ATP9A: variants seen among roughly 807,000 people sequenced by gnomAD.
ATP9A encodes probable phospholipid-transporting ATPase IIA.
ATP9A carries 52 observed loss-of-function variants against 144.1 expected under a neutral mutation model. The observed-to-expected ratio is 0.36, with a 90% CI of 0.29 to 0.45. ATP9A has a LOEUF of 0.45. Among genes scored for constraint, ATP9A ranks in the 20% least tolerant of loss-of-function variants. The pLI is 1.00. For missense variants in ATP9A, 947 were observed against 1,392.7 expected (o/e 0.68, Z 5.09); for synonymous variants, 582 against 557.4 (o/e 1.04, Z -0.62).
At chr20:51,695,412 G>A (rs7270627) in intron 6 of ATP9A, among the ~76,000 whole-genome samples, 39,214 of 147,040 alleles carry the variant, frequency 0.27, 5,187 homozygotes, top group South Asian at 0.37. Context: ...GAGGTAAGCC[G>A]AGATCGTACC....
At chr20:51,616,530 G>A (rs1427799572) in intron 22 of ATP9A, among the ~76,000 whole-genome samples, 1 of 152,062 alleles carries the variant, frequency 6.6e-6, no homozygotes, top group Non-Finnish European at 1.5e-5. Context: ...TGTTTGCCAG[G>A]CTGGTCTCGA....
chr20:51,629,863 G>C (rs2077263592), intron 15 of ATP9A, among the ~76,000 whole-genome samples: 1 of 152,222 alleles, frequency 6.6e-6, no homozygotes, highest in South Asian at 2.1e-4. Context: ...CTGTAAAACA[G>C]GAATCAAGCA....
chr20:51,627,046 A>C (rs1054179079), intron 17 of ATP9A, among the ~76,000 whole-genome samples: 3 of 142,918 alleles, frequency 2.1e-5, no homozygotes. Context: ...GACAAGAGCG[A>C]AACTCTGTCT....
intron 10 of ATP9A, among the ~76,000 whole-genome samples, chr20:51,675,729 A>C (rs2077474114): frequency 6.6e-6 from 1 of 151,948 alleles, no homozygotes; most frequent in South Asian, 2.1e-4. Context: ...AAAATACAAA[A>C]ATTAGCCAGG....
chr20:51,660,166 G>A (rs1398385672), intron 13 of ATP9A, among the ~76,000 whole-genome samples: 11 of 152,140 alleles, frequency 7.2e-5, no homozygotes, highest in Admixed American at 7.2e-4. Flanking sequence ...GGACCAAATC[G>A]TTATTTAACA....
intron 14 of ATP9A, among the ~76,000 whole-genome samples, chr20:51,644,487 G>A (rs59034704): frequency 0.46 from 69,461 of 150,700 alleles, 17,554 homozygotes; most frequent in East Asian, 0.8. Context: ...AGTCAGGATG[G>A]TCTCGATCTC....
intron 13 of ATP9A, among the ~76,000 whole-genome samples, chr20:51,657,669 C>T (rs1241251499): frequency 6.6e-6 from 1 of 152,208 alleles, no homozygotes; most frequent in African/African-American, 2.4e-5. Context: ...CGGCTTAGAA[C>T]CACTGTTTAA....
chr20:51,765,963 A>C (rs1198084175), intron 1 of ATP9A, among the ~76,000 whole-genome samples: 2 of 152,172 alleles, frequency 1.3e-5, no homozygotes, highest in African/African-American at 2.4e-5. Context: ...CTCAAAAAAA[A>C]AGAAAGATTA....
At chr20:51,625,004 C>CAAAAA (rs71192538) in intron 18 of ATP9A, among the ~76,000 whole-genome samples, 188 bp downstream of exon 18, 1 of 100,838 alleles carries the variant, frequency 9.9e-6, no homozygotes, top group Non-Finnish European at 2.0e-5. Flanking sequence ...GACCCCGTCT[C>CAAAAA]AAAAAAAAAA....
At chr20:51,694,124 C>A in intron 6 of ATP9A, 22 bp from the exon 7 acceptor site, 2 of 1,602,358 alleles carry the variant, frequency 1.2e-6, no homozygotes, top group Non-Finnish European at 1.7e-6. Flanking sequence ...AGTCGGGTGC[C>A]GTCACCTGCA....
rs1360066064 is a variant in ATP9A, at chr20:51,611,900, C to A, written c.2572-1735G>T. ...ATAGATATTTAAAACATAAAATCAC[C>A]CCCAAAAAACTGGGGTGTAGCCAGT... is the stretch of plus-strand genomic sequence containing the variant. On this transcript the variant is annotated intron_variant, in intron 23 of 27. Transcript: ENST00000338821. This position sits in a 1 kb window ranked among gnomAD's most constrained non-coding sequence, Gnocchi z 4.2. Among the ~76,000 whole-genome samples the A allele has an allele frequency of 6.6e-6, 1 of 152,158 alleles. No individual in the cohort carries two copies. The highest frequency in any genetic ancestry group is 1.5e-5 in the Non-Finnish European group (1 of 68,032).
intron 4 of ATP9A, among the ~76,000 whole-genome samples, chr20:51,711,011 T>C (rs2077636256): frequency 6.6e-6 from 1 of 152,066 alleles, no homozygotes; most frequent in African/African-American, 2.4e-5. Flanking sequence ...AGTAAGAATA[T>C]GTTATTAAGG....
In ATP9A at chr20:51,599,453, A is replaced by G. The variant is rs762276298; in HGVS notation, c.*1758T>C. The G allele has an allele frequency of 3.4e-4, 51 of 152,220 alleles. No individual in the cohort carries two copies. The highest frequency in any genetic ancestry group is 1.2e-3 in the African/African-American group (51 of 41,460). The allele number at this position is 152,220 out of a possible 1,614,324, so 9.4% of individuals were successfully genotyped here. A position where few individuals can be genotyped will look rare whatever the true frequency, so the allele number is the denominator to read the frequency against. ...TTTTTGGACAAAGATCCTATCCTTAACTATTCACTCAATACATCTTTTCTG... is the reference window on the plus strand; with the variant it reads ...TTTTTGGACAAAGATCCTATCCTTAGCTATTCACTCAATACATCTTTTCTG... On this transcript the variant is annotated 3_prime_UTR_variant, in exon 28 of 28. Transcript: ENST00000338821.
intron 4 of ATP9A, among the ~76,000 whole-genome samples, chr20:51,711,053 A>G (rs2077636505): frequency 6.6e-6 from 1 of 152,140 alleles, no homozygotes; most frequent in Non-Finnish European, 1.5e-5. Context: ...CACACACAAA[A>G]AAAGCCCTCC....
chr20:51,753,033 C>G (rs1038973659), intron 1 of ATP9A, among the ~76,000 whole-genome samples: 2 of 150,662 alleles, frequency 1.3e-5, no homozygotes, highest in Non-Finnish European at 2.9e-5. Context: ...ACCTGGGAGG[C>G]AGAAGTTGCA....
At chr20:51,766,825 G>A (rs752775678) in intron 1 of ATP9A, among the ~76,000 whole-genome samples, 1 of 152,038 alleles carries the variant, frequency 6.6e-6, no homozygotes, top group Non-Finnish European at 1.5e-5. Flanking sequence ...GGGCAACAGA[G>A]GGAGACTCCG....
chr20:51,733,160 G>C (rs1251515554), intron 1 of ATP9A, among the ~76,000 whole-genome samples: 1 of 152,074 alleles, frequency 6.6e-6, no homozygotes, highest in African/African-American at 2.4e-5. Context: ...TCACCTTTGT[G>C]CATATGCACA....
chr20:51,682,114 G>A (rs6067894), intron 9 of ATP9A, among the ~76,000 whole-genome samples: 1 of 151,916 alleles, frequency 6.6e-6, no homozygotes, highest in African/African-American at 2.4e-5. Flanking sequence ...AGGAGGGTGA[G>A]GATCAGAAAA....
At chr20:51,664,326 C>T (rs2122778916) in intron 13 of ATP9A, among the ~76,000 whole-genome samples, 1 of 152,220 alleles carries the variant, frequency 6.6e-6, no homozygotes. Flanking sequence ...GTGGCTCATG[C>T]CTGTAATCCC....
Sources: gnomAD v4.1 joint callset for allele counts (sites outside exome capture counted in the v4.1 genomes callset) on GRCh38, gnomAD v4.1.1 for gene constraint, Gnocchi (gnomAD v3.1) non-coding constraint, MANE v1.5 for transcripts, NCBI Gene and HGNC (gene_info 2026-07-23, HGNC 2026-07-21) for gene names.